The following GAPVD1 variants were observed in gnomAD, a reference collection of about 807,000 sequenced individuals.
The protein encoded by GAPVD1 is GTPase-activating protein and VPS9 domain-containing protein 1.
Under a neutral mutation model 155.5 loss-of-function variants are expected in GAPVD1, and 35 were observed. The observed-to-expected ratio is 0.23, with a 90% CI of 0.17 to 0.30. The LOEUF (loss-of-function observed/expected upper bound fraction) is 0.30. GAPVD1 is among the 10% of genes least tolerant of loss of function. The probability of loss-of-function intolerance (pLI) is 1.00; values close to 1 mark genes in which losing one functional copy is unlikely to be tolerated. For synonymous variants in GAPVD1, 636 were observed against 619.7 expected, an observed-to-expected ratio of 1.03 and a Z score of -0.39; for missense variants, 1,429 against 1,775.7, an observed-to-expected ratio of 0.80 and a Z score of 3.51.
chr9:125,276,217 G>T (rs1171818437), intron 2 of GAPVD1, among the ~76,000 whole-genome samples: 1 of 152,126 alleles, frequency 6.6e-6, no homozygotes, highest in Admixed American at 6.6e-5. Context: ...TTAGTTGGTA[G>T]TAAGCCCATT....
At chr9:125,327,812 G>A (rs1416648512) in intron 12 of GAPVD1, among the ~76,000 whole-genome samples, 1 of 152,080 alleles carries the variant, frequency 6.6e-6, no homozygotes, top group Admixed American at 6.6e-5. Flanking sequence ...CCTAAATCAT[G>A]GAACATTTTA....
At chr9:125,307,925 T>C in intron 8 of GAPVD1, 45 bp downstream of exon 8, 1 of 1,277,522 alleles carries the variant, frequency 7.8e-7, no homozygotes, top group Non-Finnish European at 1.1e-6. Context: ...AAATCTAATA[T>C]TTCATTAGCC....
intron 27 of GAPVD1, 105 bp downstream of exon 27, chr9:125,360,830 G>A (rs1021065492): frequency 1.2e-6 from 1 of 805,832 alleles, no homozygotes; most frequent in Non-Finnish European, 2.1e-6. Context: ...CAAGTCACAA[G>A]CTCTGGGTTA....
At chr9:125,297,831 C>T (rs546325365) in intron 3 of GAPVD1, among the ~76,000 whole-genome samples, 68 of 152,134 alleles carry the variant, frequency 4.5e-4, no homozygotes, top group African/African-American at 8.9e-4. Context: ...CTGCAACCTC[C>T]GCCTACCAGG....
At chr9:125,290,551 C>T (rs1167773103) in intron 2 of GAPVD1, among the ~76,000 whole-genome samples, 5 of 152,044 alleles carry the variant, frequency 3.3e-5, no homozygotes, top group Non-Finnish European at 7.3e-5. Flanking sequence ...GACAAAAGCG[C>T]GGAGCCGAAT....
intron 2 of GAPVD1, among the ~76,000 whole-genome samples, chr9:125,286,843 G>A (rs1837783300): frequency 1.3e-5 from 2 of 152,112 alleles, no homozygotes; most frequent in South Asian, 4.1e-4. Context: ...TAGCACTTTG[G>A]GAGGCTGAGG....
chr9:125,335,803 C>G (rs1056179800), intron 15 of GAPVD1, among the ~76,000 whole-genome samples: 1 of 151,928 alleles, frequency 6.6e-6, no homozygotes, highest in Non-Finnish European at 1.5e-5. Context: ...TATAGAATAT[C>G]AATAGATATA....
chr9:125,303,732 C>T (rs1339652166), intron 5 of GAPVD1, among the ~76,000 whole-genome samples: 2 of 147,662 alleles, frequency 1.4e-5, no homozygotes, highest in African/African-American at 5.1e-5. Flanking sequence ...GCTGAGATTG[C>T]ACCGTTGCAC....
chr9:125,278,297 G>T (rs1179283812), intron 2 of GAPVD1, among the ~76,000 whole-genome samples: 1 of 152,098 alleles, frequency 6.6e-6, no homozygotes, highest in Non-Finnish European at 1.5e-5. Flanking sequence ...TAGTCCGGCG[G>T]ATCACCTGAG....
intron 2 of GAPVD1, among the ~76,000 whole-genome samples, chr9:125,285,170 A>G (rs766361463): frequency 6.6e-6 from 1 of 152,228 alleles, no homozygotes; most frequent in East Asian, 1.9e-4. Flanking sequence ...TGTGGCATGA[A>G]ACCAGCCATA....
chr9:125,307,804 A>C lies in GAPVD1; in HGVS notation c.1365A>C (p.Leu455Phe), dbSNP rs200638897. The C allele has an allele frequency of 1.6e-4, 252 of 1,613,656 alleles. No individual in the cohort carries two copies. Among genetic ancestry groups the C allele is most frequent in the Non-Finnish European group, 1.8e-4 (212 of 1,179,674 alleles). The change falls in exon 8 of 28, where the codon TTA becomes TTC. Residue 455 changes from leucine (L) to phenylalanine (F), a missense_variant. Transcript: ENST00000297933. Reference protein sequence around the residue: ...PPAKPGKSSSLEMTPYNTPQL... With the variant: ...PPAKPGKSSSFEMTPYNTPQL... Reference sequence around the variant, plus strand: ...CCAAGCCAGGAAAAAGTAGCAGTTTAGAAATGACTCCCTACAATACACCTC... The same window carrying C: ...CCAAGCCAGGAAAAAGTAGCAGTTTCGAAATGACTCCCTACAATACACCTC...
intron 27 of GAPVD1, among the ~76,000 whole-genome samples, chr9:125,361,155 C>T (rs1418155642): frequency 1.3e-5 from 2 of 152,118 alleles, no homozygotes; most frequent in East Asian, 3.9e-4. Context: ...AGACATGAGC[C>T]ACCGCGCCCA....
chr9:125,332,546 T>C lies in GAPVD1; in HGVS notation c.2345T>C (p.Ile782Thr), dbSNP rs766157245. The C allele has an allele frequency of 6.2e-6, 10 of 1,607,160 alleles. No individual in the cohort carries two copies. The highest frequency in any genetic ancestry group is 1.7e-4 in the Middle Eastern group (1 of 6,054). ...SATSEDIPNK[I>T]EDLRSECSSD... ...ACCTCTGAGGATATTCCCAATAAGATTGAAGACCTGAGATCTGAGTGCAGC... is the reference window on the plus strand; with the variant it reads ...ACCTCTGAGGATATTCCCAATAAGACTGAAGACCTGAGATCTGAGTGCAGC... The change falls in exon 15 of 28, where the codon ATT (isoleucine) becomes ACT (threonine). Residue 782 changes from isoleucine to threonine, a missense_variant. By Grantham distance (89) the Ile-to-Thr change is moderately conservative. Around this residue, in one of 4 missense-constraint regions of GAPVD1, gnomAD observed 699 missense variants for 826.0 expected, o/e 0.85. Transcript: ENST00000297933.
intron 2 of GAPVD1, among the ~76,000 whole-genome samples, chr9:125,280,623 T>C (rs537839049): frequency 6.6e-6 from 1 of 150,636 alleles, no homozygotes; most frequent in African/African-American, 2.4e-5. Flanking sequence ...TTGTCCAGAC[T>C]GGAGTGCAGT....
At position 125,337,568 on chromosome 9, in the gene GAPVD1, A is replaced by C. The variant is rs1847227120; in HGVS notation, c.2854A>C (p.Ser952Arg). Reference sequence around the variant, plus strand: ...ACCTCATTCATCATCTTCATCCCCGAGTAAGGACTCCTCAAGAGGAGAGGT... The same window carrying C: ...ACCTCATTCATCATCTTCATCCCCGCGTAAGGACTCCTCAAGAGGAGAGGT... ...AAPHSSSSSP[S>R]KDSSRGETEE... The change falls in exon 17 of 28, where the codon AGT becomes CGT. Residue 952 changes from serine (S) to arginine (R), a missense_variant. Physicochemically the swap from Ser to Arg is moderately radical, Grantham distance 110. Coordinates refer to ENST00000297933, the MANE Select transcript of GAPVD1 (RefSeq NM_001282680.3). 1 of 1,613,844 alleles carries C rather than the reference A, an allele frequency of 6.2e-7. No individual in the cohort carries two copies. The highest frequency in any genetic ancestry group is 1.7e-5 in the Admixed American group (1 of 59,988).
intron 15 of GAPVD1, among the ~76,000 whole-genome samples, chr9:125,335,546 G>A (rs1198517256): frequency 2.0e-5 from 3 of 151,984 alleles, no homozygotes; most frequent in African/African-American, 4.8e-5. Flanking sequence ...GTGTGGTGGC[G>A]TGTGCCTGTA....
intron 2 of GAPVD1, among the ~76,000 whole-genome samples, chr9:125,272,541 A>G (rs1835089485): frequency 6.6e-6 from 1 of 152,234 alleles, no homozygotes; most frequent in Admixed American, 6.5e-5. Flanking sequence ...CCATGATAAT[A>G]GTAATGGTAA....
Position 125,305,075 on chromosome 9 carries a change from T to C in GAPVD1, c.1042T>C (p.Leu348=), listed in dbSNP as rs1424388901. 1 of 1,613,778 alleles carries C rather than the reference T, an allele frequency of 6.2e-7. No individual in the cohort carries two copies. Among genetic ancestry groups the C allele is most frequent in the Admixed American group, 1.7e-5 (1 of 60,010 alleles). The stretch of plus-strand genomic sequence containing the variant: ...CTTTGGGTTGCAGGTAGGCCGCCTT[T>C]TGCAGCAGTTAGCAATGACTGGCTC... ...RFNLMQVGRL[L]QQLAMTGSEE... The change falls in exon 6 of 28, where the codon TTG becomes CTG. Residue 348 remains leucine (L), a synonymous_variant. Transcript: ENST00000297933.
chr9:125,323,384 C>T (rs1844682248), intron 10 of GAPVD1, among the ~76,000 whole-genome samples: 2 of 152,172 alleles, frequency 1.3e-5, no homozygotes, highest in South Asian at 4.1e-4. Context: ...CGGCCCACTG[C>T]AAGCTCTGCC....
Sources: gnomAD v4.1 joint callset for allele counts (sites outside exome capture counted in the v4.1 genomes callset) on GRCh38, gnomAD v4.1.1 for gene constraint, gnomAD v4.1.1 regional missense constraint, MANE v1.5 for transcripts, NCBI Gene and HGNC (gene_info 2026-07-23, HGNC 2026-07-21) for gene names.